The following SLC9A9 variants were observed in gnomAD, a reference collection of about 807,000 sequenced individuals.
The protein encoded by SLC9A9 is sodium/hydrogen exchanger 9.
A neutral mutation model predicts 77.8 loss-of-function variants in SLC9A9; 62 were observed. The observed-to-expected ratio is 0.80, with a 90% confidence interval of 0.65 to 0.98. SLC9A9 has a LOEUF of 0.98. Ranked by LOEUF, SLC9A9 falls within the 50% of genes least tolerant of loss-of-function variation. The pLI is 0.00. For missense variants in SLC9A9, 775 were observed against 774.9 expected (o/e 1.00, Z 0.00); for synonymous variants, 320 against 283.5 (o/e 1.13, Z -1.29).
chr3:143,436,362 A>T (rs76391786), intron 12 of SLC9A9, among the ~76,000 whole-genome samples: 1 of 152,346 alleles, frequency 6.6e-6, no homozygotes, highest in African/African-American at 2.4e-5. Context: ...AGCACTTAGT[A>T]TTAGCACTAG....
intron 5 of SLC9A9, among the ~76,000 whole-genome samples, chr3:143,655,289 G>T (rs573563046): frequency 2.0e-4 from 30 of 152,294 alleles, no homozygotes; most frequent in African/African-American, 7.0e-4. Context: ...GCACATACCA[G>T]CTCTGCCCAC....
At chr3:143,808,777 G>A (rs1457457395) in intron 2 of SLC9A9, among the ~76,000 whole-genome samples, 1 of 151,924 alleles carries the variant, frequency 6.6e-6, no homozygotes, top group Non-Finnish European at 1.5e-5. Flanking sequence ...GGACATAATA[G>A]TGTGGTACCT....
At chr3:143,317,971 C>T (rs1407183223) in intron 14 of SLC9A9, among the ~76,000 whole-genome samples, 2 of 152,178 alleles carry the variant, frequency 1.3e-5, no homozygotes, top group Non-Finnish European at 2.9e-5. Flanking sequence ...TCATGATCTG[C>T]CCACCTTGGC....
chr3:143,329,130 A>C (rs747567232), intron 14 of SLC9A9, among the ~76,000 whole-genome samples: 6 of 152,220 alleles, frequency 3.9e-5, no homozygotes, highest in Non-Finnish European at 8.8e-5. Flanking sequence ...CCATAACCCA[A>C]ACAACACATT....
chr3:143,834,576 T>TTTA (rs2009522757), intron 1 of SLC9A9, among the ~76,000 whole-genome samples: 1 of 150,088 alleles, frequency 6.7e-6, no homozygotes, highest in African/African-American at 2.4e-5. Context: ...GCACTCTTTT[T>TTTA]TTTTTTTTTT....
chr3:143,813,957 A>G (rs1333275873), intron 2 of SLC9A9, among the ~76,000 whole-genome samples: 1 of 152,216 alleles, frequency 6.6e-6, no homozygotes, highest in Non-Finnish European at 1.5e-5. Context: ...GCTCAAGGTA[A>G]TGATAGTGGG....
At position 143,626,252 on chromosome 3, in the gene SLC9A9, A is replaced by C. The variant is rs530188842; in HGVS notation, c.755+26003T>G. Among the ~76,000 whole-genome samples, 144 of 152,316 alleles carry C rather than the reference A, an allele frequency of 9.5e-4. 1 individual carries two copies. Among genetic ancestry groups the C allele is most frequent in the African/African-American group, 3.4e-3 (140 of 41,570 alleles). On this transcript the variant is annotated intron_variant, in intron 6 of 15. Transcript: ENST00000316549. ...AACTAGAAATACAATTTGACCCTGC[A>C]ATCCCATTACTGGGTATACACCCAA...
At chr3:143,311,328 A>G in intron 14 of SLC9A9, among the ~76,000 whole-genome samples, 1 of 152,232 alleles carries the variant, frequency 6.6e-6, no homozygotes, top group Non-Finnish European at 1.5e-5. Flanking sequence ...TGTCCCAAAC[A>G]TCTGTTTTGT....
At chr3:143,626,622 G>T (rs557783048) in intron 6 of SLC9A9, among the ~76,000 whole-genome samples, 1 of 151,926 alleles carries the variant, frequency 6.6e-6, no homozygotes, top group Non-Finnish European at 1.5e-5. Flanking sequence ...GTTGTGGGGT[G>T]GGGGGATGGG....
chr3:143,443,915 C>T (rs1428744910), intron 12 of SLC9A9, among the ~76,000 whole-genome samples: 2 of 151,570 alleles, frequency 1.3e-5, no homozygotes, highest in Non-Finnish European at 2.9e-5. Context: ...TAGTCACACA[C>T]ATGACACGAT....
chr3:143,319,989 G>A (rs1300734798), intron 14 of SLC9A9, among the ~76,000 whole-genome samples: 2 of 152,184 alleles, frequency 1.3e-5, no homozygotes, highest in Admixed American at 1.3e-4. Context: ...ACTGCTTCAC[G>A]ATTTTTGCCA....
At chr3:143,415,027 A>G (rs183801887) in intron 12 of SLC9A9, among the ~76,000 whole-genome samples, 11 of 152,334 alleles carry the variant, frequency 7.2e-5, no homozygotes, top group Admixed American at 1.3e-4. Flanking sequence ...AGCCATCTGG[A>G]TAGAAGATGA....
chr3:143,374,516 A>T (rs906116496), intron 13 of SLC9A9, among the ~76,000 whole-genome samples: 2 of 151,824 alleles, frequency 1.3e-5, no homozygotes, highest in Admixed American at 1.3e-4. Context: ...GAAGACAACC[A>T]TCAAACCAGA....
At chr3:143,824,949 A>G (rs1047815727) in intron 2 of SLC9A9, among the ~76,000 whole-genome samples, 5 of 152,186 alleles carry the variant, frequency 3.3e-5, no homozygotes, top group African/African-American at 1.2e-4. Flanking sequence ...GCCTCATCCC[A>G]TTTACTGCCA....
At chr3:143,301,535 G>A (rs2030514071) in intron 14 of SLC9A9, among the ~76,000 whole-genome samples, 1 of 152,222 alleles carries the variant, frequency 6.6e-6, no homozygotes, top group African/African-American at 2.4e-5. Flanking sequence ...GTAGGCAAGA[G>A]TAGAATGGAA....
At chr3:143,772,767 T>C (rs1292243288) in intron 4 of SLC9A9, among the ~76,000 whole-genome samples, 3 of 152,226 alleles carry the variant, frequency 2.0e-5, no homozygotes, top group Non-Finnish European at 4.4e-5. Flanking sequence ...GGAAACGTTA[T>C]AGACGCTACT....
At chr3:143,832,808 T>C (rs1265881976) in intron 1 of SLC9A9, among the ~76,000 whole-genome samples, 1 of 151,864 alleles carries the variant, frequency 6.6e-6, no homozygotes, top group African/African-American at 2.4e-5. Flanking sequence ...ACTAAGATAG[T>C]AGCAGAAGAC....
chr3:143,785,957 C>A (rs1196757577), intron 4 of SLC9A9, among the ~76,000 whole-genome samples: 1 of 148,818 alleles, frequency 6.7e-6, no homozygotes, highest in Non-Finnish European at 1.5e-5. Context: ...CCCGGGTTCA[C>A]GCCATTCTCC....
intron 9 of SLC9A9, among the ~76,000 whole-genome samples, chr3:143,527,186 C>T (rs1457590064): frequency 2.0e-5 from 3 of 152,150 alleles, no homozygotes; most frequent in Admixed American, 6.5e-5. Context: ...TTCATTTTAG[C>T]TTTTTATTTT....
Sources: allele counts gnomAD v4.1 joint callset (sites outside exome capture counted in the v4.1 genomes callset), GRCh38; gene constraint gnomAD v4.1.1; transcripts MANE v1.5; gene names NCBI Gene and HGNC (gene_info 2026-07-23, HGNC 2026-07-21).